ATP10A: variants seen among roughly 807,000 people sequenced by gnomAD.
ATP10A encodes the protein ATPase phospholipid transporting 10A (putative).
In ATP10A, 111 loss-of-function variants were observed where a neutral mutation model predicts 147.8. The ratio of observed to expected loss-of-function variants is 0.75; its 90% CI spans 0.64 to 0.88. The LOEUF (loss-of-function observed/expected upper bound fraction) is 0.88, where lower values mean the gene tolerates loss of function less well. ATP10A is among the 40% of genes least tolerant of loss of function. The pLI, the probability that ATP10A is intolerant of heterozygous loss-of-function variation, is 0.00. For missense variants in ATP10A, 1,927 were observed against 1,959.0 expected (o/e 0.98, Z 0.31); for synonymous variants, 875 against 841.6 (o/e 1.04, Z -0.69).
chr15:25,686,096 T>C (rs1346449832), intron 16 of ATP10A, among the ~76,000 whole-genome samples: 1 of 152,136 alleles, frequency 6.6e-6, no homozygotes, highest in Non-Finnish European at 1.5e-5. Flanking sequence ...AGGCACAGCC[T>C]AATCTGAATT....
chr15:25,674,234 C>T (rs1899095071), downstream of ATP10A, among the ~76,000 whole-genome samples: 2 of 152,200 alleles, frequency 1.3e-5, no homozygotes, highest in South Asian at 4.1e-4. Flanking sequence ...ACCCATGCAC[C>T]GTGGGGTCAG....
At chr15:25,758,863 TC>T (rs1888594411) in intron 2 of ATP10A, among the ~76,000 whole-genome samples, 4 of 149,666 alleles carry the variant, frequency 2.7e-5, no homozygotes, top group Non-Finnish European at 1.5e-5. Context: ...TGCTCCACCC[TC>T]ATTCCGACCA....
intron 1 of ATP10A, among the ~76,000 whole-genome samples, chr15:25,853,833 CT>C (rs1367385433): frequency 6.6e-6 from 1 of 151,698 alleles, no homozygotes; most frequent in African/African-American, 2.4e-5. Context: ...AAAGAATCAG[CT>C]AAAACAAAAC....
At position 25,862,412 on chromosome 15, in the gene ATP10A, G is replaced by A. The variant is rs144851248; in HGVS notation, c.449+236C>T. 7.5e-3 allele frequency: 4,879 copies of A among 653,690 alleles called. 36 individuals are homozygous for A. The highest frequency in any genetic ancestry group is 0.015 in the South Asian group (920 of 61,492). The allele number at this position is 653,690 out of a possible 1,614,324, so 40.5% of individuals were successfully genotyped here. ...CTGGCCCCGACACGGAGTGACAGGG[G>A]ATCCCCACGCGTCCCCGCATCCAGG... On this transcript the variant is annotated intron_variant, in intron 1 of 20. Transcript: ENST00000555815.
intron 1 of ATP10A, among the ~76,000 whole-genome samples, chr15:25,821,353 T>G (rs950179477): frequency 6.6e-6 from 1 of 151,176 alleles, no homozygotes; most frequent in African/African-American, 2.4e-5. Flanking sequence ...TTCTCACCAC[T>G]GCACTCCAGC....
At chr15:25,807,456 C>T (rs370685656) in intron 1 of ATP10A, among the ~76,000 whole-genome samples, 6 of 152,382 alleles carry the variant, frequency 3.9e-5, no homozygotes, top group East Asian at 3.9e-4. Context: ...TGAACACTCC[C>T]TGTGAAATAA....
intron 1 of ATP10A, among the ~76,000 whole-genome samples, chr15:25,828,888 T>C (rs143172345): frequency 1.5e-3 from 233 of 152,348 alleles, no homozygotes; most frequent in African/African-American, 5.3e-3. Flanking sequence ...TCAAAGATTA[T>C]CTTCCCAGGA....
At chr15:25,701,250 G>T (rs1900645655) in intron 13 of ATP10A, among the ~76,000 whole-genome samples, 1 of 152,164 alleles carries the variant, frequency 6.6e-6, no homozygotes, top group African/African-American at 2.4e-5. Context: ...CAGAAAGGGG[G>T]ACTCCCAAGC....
intron 14 of ATP10A, among the ~76,000 whole-genome samples, chr15:25,693,331 T>C (rs1394382472): frequency 6.6e-6 from 1 of 152,116 alleles, no homozygotes; most frequent in Admixed American, 6.5e-5. Context: ...CATGTGCTGA[T>C]GTTCTTATGG....
At chr15:25,735,946 C>T in intron 3 of ATP10A, 110 bp downstream of exon 3, 1 of 996,468 alleles carries the variant, frequency 1.0e-6, no homozygotes, top group Non-Finnish European at 1.6e-6. Context: ...AACAGCTACA[C>T]CATGTGGCAA....
intron 17 of ATP10A, 38 bp from the exon 18 acceptor site, chr15:25,681,112 C>G (rs1303783359): frequency 6.3e-7 from 1 of 1,575,892 alleles, no homozygotes; most frequent in Non-Finnish European, 8.7e-7. Flanking sequence ...TACAGTGAAG[C>G]ATTGGCATCC....
At chr15:25,767,764 T>G (rs1417943569) in intron 2 of ATP10A, among the ~76,000 whole-genome samples, 1 of 152,216 alleles carries the variant, frequency 6.6e-6, no homozygotes, top group Non-Finnish European at 1.5e-5. Flanking sequence ...CTGTGCTAAG[T>G]GCTGGCAGAT....
intron 1 of ATP10A, among the ~76,000 whole-genome samples, chr15:25,809,372 A>C (rs1470466898): frequency 2.0e-5 from 3 of 152,194 alleles, no homozygotes; most frequent in Admixed American, 6.5e-5. Context: ...GAGAACATGC[A>C]TTTTACTCTG....
At chr15:25,705,794 T>C (rs945931821) in intron 12 of ATP10A, among the ~76,000 whole-genome samples, 1 of 152,244 alleles carries the variant, frequency 6.6e-6, no homozygotes. Context: ...AAAGGCGACG[T>C]GAGATTCCTG....
chr15:25,862,834 T>C lies in ATP10A; in HGVS notation c.263A>G (p.Asn88Ser), dbSNP rs373788918. Residue 88 changes from asparagine to serine, a missense_variant, in exon 1 of 21, where the codon AAC becomes AGC. Asn to Ser is a conservative substitution (Grantham distance 46). Coordinates refer to ENST00000555815, the MANE Select transcript of ATP10A (RefSeq NM_024490.4). Reference sequence around the variant, plus strand: ...CAGCGCGATGAAGACAAAGTACACGTTGGCCGGGCGGTGGAACTGCTCGAA... The same window carrying C: ...CAGCGCGATGAAGACAAAGTACACGCTGGCCGGGCGGTGGAACTGCTCGAA... ...NLFEQFHRPA[N>S]VYFVFIALLN... 5.0e-6 allele frequency: 8 copies of C among 1,610,008 alleles called. No homozygotes were observed. The highest frequency in any genetic ancestry group is 4.5e-5 in the East Asian group (2 of 44,702).
intron 4 of ATP10A, among the ~76,000 whole-genome samples, chr15:25,726,950 G>C (rs1459019781): frequency 2.7e-5 from 4 of 150,718 alleles, no homozygotes; most frequent in Non-Finnish European, 4.4e-5. Flanking sequence ...CCAGCTACTC[G>C]GGAGGCTGAG....
In ATP10A at chr15:25,746,181, CAA is replaced by C. The variant is rs1468321137; in HGVS notation, c.655-10042_655-10041del. On this transcript the variant is annotated intron_variant, in intron 2 of 20. Transcript: ENST00000555815. ...GAAAAGCTGAAAAAGATATAAATGG[CAA>C]AGAGTAACAAAAAGAAAGCTAGCGT... 2.6e-5 allele frequency among the ~76,000 whole-genome samples: 4 copies of C among 151,794 alleles called. No individual in the cohort carries two copies. In the East Asian group the frequency reaches 5.8e-4, roughly 22 times the overall value.
chr15:25,809,829 G>C (rs1191708697), intron 1 of ATP10A, among the ~76,000 whole-genome samples: 1 of 152,142 alleles, frequency 6.6e-6, no homozygotes, highest in Non-Finnish European at 1.5e-5. Context: ...GAGACACCTA[G>C]TCCTGTTTCC....
intron 1 of ATP10A, among the ~76,000 whole-genome samples, chr15:25,840,704 T>C (rs1892775031): frequency 6.6e-6 from 1 of 152,160 alleles, no homozygotes; most frequent in Admixed American, 6.5e-5. Flanking sequence ...TATATGACAA[T>C]TCTATTTTTA....
Sources: allele counts gnomAD v4.1 joint callset (sites outside exome capture counted in the v4.1 genomes callset), GRCh38; gene constraint gnomAD v4.1.1; transcripts MANE v1.5; gene names NCBI Gene and HGNC (gene_info 2026-07-23, HGNC 2026-07-21).